The following LUZP2 variants were observed in gnomAD, a reference collection of about 807,000 sequenced individuals.
LUZP2 encodes leucine zipper protein 2.
Under a neutral mutation model 51.6 loss-of-function variants are expected in LUZP2, and 52 were observed. That is an observed-to-expected ratio of 1.01 (90% CI 0.81 to 1.27). The LOEUF is 1.27. Ranked by LOEUF, LUZP2 falls within the 50% of genes most tolerant of loss-of-function variation. The pLI is 0.00. For missense variants in LUZP2, 436 were observed against 395.4 expected (o/e 1.10, Z -0.87); for synonymous variants, 154 against 137.3 (o/e 1.12, Z -0.85).
intron 9 of LUZP2, among the ~76,000 whole-genome samples, chr11:25,023,104 A>T (rs558969544): frequency 5.8e-4 from 89 of 152,148 alleles, no homozygotes; most frequent in Non-Finnish European, 1.1e-3. Flanking sequence ...TTGGTCTGAA[A>T]TTCTCTTTTT....
At chr11:24,872,731 G>C (rs927722349) in intron 5 of LUZP2, among the ~76,000 whole-genome samples, 3 of 151,954 alleles carry the variant, frequency 2.0e-5, no homozygotes, top group Admixed American at 1.3e-4. Flanking sequence ...ATGACTATAT[G>C]GCATATGCAA....
At chr11:24,887,410 A>T (rs1444667877) in intron 5 of LUZP2, among the ~76,000 whole-genome samples, 1 of 152,176 alleles carries the variant, frequency 6.6e-6, no homozygotes, top group Non-Finnish European at 1.5e-5. Context: ...TATATATACA[A>T]GCACGTGGCA....
At chr11:24,576,580 A>C (rs1852659535) in intron 1 of LUZP2, among the ~76,000 whole-genome samples, 1 of 152,094 alleles carries the variant, frequency 6.6e-6, no homozygotes, top group Admixed American at 6.6e-5. Flanking sequence ...GATTTTCTAA[A>C]GATTTGTTAA....
chr11:24,686,999 C>A (rs1349481532), intron 1 of LUZP2, among the ~76,000 whole-genome samples: 1 of 152,028 alleles, frequency 6.6e-6, no homozygotes, highest in South Asian at 2.1e-4. Context: ...CAGTGTTGTG[C>A]CACATAAAAT....
chr11:24,977,064 A>G (rs1855899914), intron 8 of LUZP2, among the ~76,000 whole-genome samples: 1 of 151,834 alleles, frequency 6.6e-6, no homozygotes, highest in Admixed American at 6.6e-5. Context: ...TTTTGAATGC[A>G]TGTATCTTAT....
rs34126748 is a variant in LUZP2 at position 24,799,674 on chromosome 11, C to A, written c.396+36366C>A. 8.2e-4 allele frequency among the ~76,000 whole-genome samples: 125 copies of A among 152,000 alleles called. 1 individual carries two copies. Among genetic ancestry groups the A allele is most frequent in the African/African-American group, 2.9e-3 (120 of 41,472 alleles). On this transcript the variant is annotated intron_variant, in intron 5 of 11. Transcript: ENST00000336930. ...TCTGCTAAACACCAACTTCATAACTCTAGTAAACTCACCTAGCATCTTGAG... is the reference window on the plus strand; with the variant it reads ...TCTGCTAAACACCAACTTCATAACTATAGTAAACTCACCTAGCATCTTGAG...
chr11:25,036,950 G>T (rs1275682729), intron 9 of LUZP2, among the ~76,000 whole-genome samples: 2 of 152,108 alleles, frequency 1.3e-5, no homozygotes, highest in Non-Finnish European at 2.9e-5. Context: ...GTGGAGTATT[G>T]TGTAGATGTC....
intron 1 of LUZP2, among the ~76,000 whole-genome samples, chr11:24,608,679 C>T (rs540724081): frequency 6.6e-5 from 10 of 152,186 alleles, no homozygotes; most frequent in South Asian, 2.1e-4. Context: ...TACATATGCA[C>T]ACACACACAA....
Position 24,945,567 on chromosome 11 carries a change from C to T in LUZP2, c.523-31024C>T, listed in dbSNP as rs562578510. Among the ~76,000 whole-genome samples the T allele has an allele frequency of 2.7e-5, 4 of 147,714 alleles. No individual in the cohort carries two copies. In the East Asian group the frequency reaches 6.0e-4, roughly 22 times the overall value. On this transcript the variant is annotated intron_variant, in intron 7 of 11. Coordinates refer to ENST00000336930, the MANE Select transcript of LUZP2 (RefSeq NM_001009909.4). ...CCTTTATCTTTCTTTATCATCTTAT[C>T]ATCTTTCCAGTGTTTATAGAAATAG...
intron 5 of LUZP2, among the ~76,000 whole-genome samples, chr11:24,882,679 T>C (rs1406512513): frequency 6.6e-6 from 1 of 151,634 alleles, no homozygotes; most frequent in East Asian, 1.9e-4. Flanking sequence ...AATAAGCATG[T>C]ACCCTTTCAT....
At chr11:24,810,245 AT>A (rs1309941825) in intron 5 of LUZP2, among the ~76,000 whole-genome samples, 12 of 152,160 alleles carry the variant, frequency 7.9e-5, no homozygotes, top group African/African-American at 2.9e-4. Context: ...ACACAGGTAA[AT>A]TTTATACATA....
intron 6 of LUZP2, among the ~76,000 whole-genome samples, chr11:24,908,186 A>G (rs1341305722): frequency 6.6e-6 from 1 of 152,202 alleles, no homozygotes; most frequent in Non-Finnish European, 1.5e-5. Context: ...TCATAGAATA[A>G]AATATCTAAA....
At chr11:24,574,671 AT>A (rs1314206060) in intron 1 of LUZP2, among the ~76,000 whole-genome samples, 1 of 152,092 alleles carries the variant, frequency 6.6e-6, no homozygotes, top group African/African-American at 2.4e-5. Context: ...GTACTGGAGA[AT>A]GTTAGCAGGG....
intron 4 of LUZP2, among the ~76,000 whole-genome samples, chr11:24,740,846 T>C (rs530777310): frequency 1.3e-5 from 2 of 152,226 alleles, no homozygotes; most frequent in Non-Finnish European, 2.9e-5. Context: ...AGTATGTCAA[T>C]GGTACTAATG....
At chr11:24,709,610 A>T (rs1179399285) in intron 1 of LUZP2, among the ~76,000 whole-genome samples, 1 of 152,222 alleles carries the variant, frequency 6.6e-6, no homozygotes, top group Non-Finnish European at 1.5e-5. Flanking sequence ...CAAATTTTCC[A>T]GGAATAATTA....
At chr11:25,005,099 C>T (rs868288672) in intron 9 of LUZP2, among the ~76,000 whole-genome samples, 4 of 152,190 alleles carry the variant, frequency 2.6e-5, no homozygotes, top group Middle Eastern at 3.4e-3. Context: ...GGACATGTAC[C>T]CAGGTTGGAC....
Position 24,960,848 on chromosome 11 carries a change from G to A in LUZP2, c.523-15743G>A, listed in dbSNP as rs547976882. On this transcript the variant is annotated intron_variant, in intron 7 of 11. Coordinates refer to ENST00000336930, the MANE Select transcript of LUZP2 (RefSeq NM_001009909.4). The stretch of plus-strand genomic sequence containing the variant: ...TTTTAATTGTGATGTTAGGGTGTCA[G>A]TTTTGGATCTTTCCTGCTTTCTCTT... 1.6e-3 allele frequency among the ~76,000 whole-genome samples: 243 copies of A among 151,940 alleles called. 1 individual carries two copies. Among genetic ancestry groups the A allele is most frequent in the Non-Finnish European group, 2.4e-3 (164 of 67,932 alleles).
chr11:24,821,181 C>T (rs529396139), intron 5 of LUZP2, among the ~76,000 whole-genome samples: 34 of 152,138 alleles, frequency 2.2e-4, no homozygotes, highest in African/African-American at 5.5e-4. Context: ...TCTTCTTGTT[C>T]GATAAGGGGC....
At chr11:24,554,999 A>T (rs1490651426) in intron 1 of LUZP2, among the ~76,000 whole-genome samples, 1 of 152,150 alleles carries the variant, frequency 6.6e-6, no homozygotes, top group South Asian at 2.1e-4. Flanking sequence ...TACTGCATTC[A>T]TGTCAAAGGA....
Sources: allele counts gnomAD v4.1 joint callset (sites outside exome capture counted in the v4.1 genomes callset), GRCh38; gene constraint gnomAD v4.1.1; transcripts MANE v1.5; gene names NCBI Gene and HGNC (gene_info 2026-07-23, HGNC 2026-07-21).